The following CCDC201 variants were observed in gnomAD, a reference collection of about 807,000 sequenced individuals.
The protein encoded by CCDC201 is coiled-coil domain-containing protein 201.
intron 1 of CCDC201, among the ~76,000 whole-genome samples, chr7:45,866,865 T>G (rs2116519634): frequency 6.6e-6 from 1 of 152,194 alleles, no homozygotes; most frequent in African/African-American, 2.4e-5. Context: ...TCATCCTGAC[T>G]TGTAGACTCA....
chr7:45,882,712 C>T, the CCDC201 span, among the ~76,000 whole-genome samples: 1 of 152,224 alleles, frequency 6.6e-6, no homozygotes, highest in African/African-American at 2.4e-5. Flanking sequence ...TGTCCCTCAC[C>T]TTTTCTGAAT....
the CCDC201 span, among the ~76,000 whole-genome samples, chr7:45,884,155 C>G: frequency 6.6e-6 from 1 of 151,852 alleles, no homozygotes; most frequent in Admixed American, 6.5e-5. Flanking sequence ...GGCTGGAGTA[C>G]AGTGGTGTGA....
chr7:45,883,724 A>G, the CCDC201 span, among the ~76,000 whole-genome samples: 24 of 152,124 alleles, frequency 1.6e-4, no homozygotes, highest in Non-Finnish European at 2.9e-4. Flanking sequence ...GCATCATTCC[A>G]TACTCCCCTT....
intron 1 of CCDC201, among the ~76,000 whole-genome samples, chr7:45,872,113 A>G (rs1441961166): frequency 6.6e-6 from 1 of 152,202 alleles, no homozygotes; most frequent in African/African-American, 2.4e-5. Flanking sequence ...GTCACTGTGC[A>G]TCTTATGCTT....
chr7:45,875,562 T>G (rs1786791802), upstream of CCDC201, among the ~76,000 whole-genome samples: 1 of 152,224 alleles, frequency 6.6e-6, no homozygotes, highest in African/African-American at 2.4e-5. Flanking sequence ...TGGATAAACT[T>G]TAACATCACT....
At chr7:45,871,545 T>C (rs1010395505) in intron 1 of CCDC201, among the ~76,000 whole-genome samples, 1 of 152,196 alleles carries the variant, frequency 6.6e-6, no homozygotes, top group Admixed American at 6.5e-5. Flanking sequence ...GGCTTTGCTA[T>C]GACTTACAAC....
At chr7:45,883,925 G>A in the CCDC201 span, among the ~76,000 whole-genome samples, 1 of 151,776 alleles carries the variant, frequency 6.6e-6, no homozygotes, top group African/African-American at 2.4e-5. Context: ...CCCAGGCGCC[G>A]GCTCCCTCCC....
chr7:45,861,270 T>G (rs1448457104), exon 3 of CCDC201: 1 of 152,236 alleles, frequency 6.6e-6, no homozygotes, highest in African/African-American at 2.4e-5. Flanking sequence ...TATAGGCAGT[T>G]TTTTTCTGCT....
At chr7:45,865,491 C>G (rs1228548735) in intron 2 of CCDC201, among the ~76,000 whole-genome samples, 3 of 152,226 alleles carry the variant, frequency 2.0e-5, no homozygotes, top group Non-Finnish European at 4.4e-5. Context: ...AGGAATGTAA[C>G]AGCTCCCTCT....
the CCDC201 span, among the ~76,000 whole-genome samples, chr7:45,880,708 G>A: frequency 5.9e-5 from 9 of 152,254 alleles, no homozygotes; most frequent in Non-Finnish European, 4.4e-5. Context: ...CAGAGCCAGG[G>A]TCACCTGTCC....
chr7:45,882,456 AC>A, the CCDC201 span, among the ~76,000 whole-genome samples: 1 of 152,230 alleles, frequency 6.6e-6, no homozygotes, highest in Non-Finnish European at 1.5e-5. Context: ...AGGCACAAAA[AC>A]AAACGGTCTT....
exon 3 of CCDC201, chr7:45,862,622 TC>T (rs1786617798): frequency 6.6e-6 from 1 of 152,406 alleles, no homozygotes; most frequent in East Asian, 1.9e-4. Context: ...AGGCCTTCAA[TC>T]CTGCTGTCTC....
the CCDC201 span, among the ~76,000 whole-genome samples, chr7:45,881,059 C>T: frequency 2.0e-5 from 3 of 152,208 alleles, no homozygotes; most frequent in African/African-American, 7.2e-5. Flanking sequence ...CAGGGTTAAT[C>T]AAACAACACC....
chr7:45,875,519 G>T (rs980936689), upstream of CCDC201, among the ~76,000 whole-genome samples: 1 of 151,934 alleles, frequency 6.6e-6, no homozygotes, highest in African/African-American at 2.4e-5. Flanking sequence ...ACACAGAAAT[G>T]GTAGCGTTTG....
chr7:45,875,436 A>T (rs1786789978), upstream of CCDC201, among the ~76,000 whole-genome samples: 1 of 106,954 alleles, frequency 9.3e-6, no homozygotes, highest in Non-Finnish European at 2.0e-5. Context: ...AGGAGGCTTC[A>T]GTCAAAAAAA....
At chr7:45,880,441 T>C in the CCDC201 span, among the ~76,000 whole-genome samples, 4 of 152,354 alleles carry the variant, frequency 2.6e-5, no homozygotes, top group Admixed American at 2.6e-4. Flanking sequence ...ATGCACACCA[T>C]ATGCGGGTGA....
chr7:45,873,843 G>A (rs1439427590), upstream of CCDC201, among the ~76,000 whole-genome samples: 1 of 151,658 alleles, frequency 6.6e-6, no homozygotes, highest in African/African-American at 2.4e-5. Context: ...TTTGTTCTTA[G>A]ACATAATCTC....
chr7:45,868,198 A>C (rs1294642996), intron 1 of CCDC201, among the ~76,000 whole-genome samples: 1 of 152,170 alleles, frequency 6.6e-6, no homozygotes, highest in Non-Finnish European at 1.5e-5. Flanking sequence ...CTCACTACCC[A>C]CATGCCCTGC....
chr7:45,884,932 C>T, the CCDC201 span, among the ~76,000 whole-genome samples: 3 of 152,150 alleles, frequency 2.0e-5, no homozygotes, highest in African/African-American at 7.2e-5. Context: ...TACCTCCCTT[C>T]CACTCCACTG....
Sources: gnomAD v4.1 joint callset for allele counts (sites outside exome capture counted in the v4.1 genomes callset) on GRCh38, gnomAD v4.1.1 for gene constraint, MANE v1.5 for transcripts, NCBI Gene and HGNC (gene_info 2026-07-23, HGNC 2026-07-21) for gene names.